MSN: variants seen among roughly 807,000 people sequenced by gnomAD.
The protein encoded by MSN is moesin, also known as epididymis luminal protein 70.
Under a neutral mutation model 48.0 loss-of-function variants are expected in MSN, and 2 were observed. The observed-to-expected ratio is 0.04, with a 90% CI of 0.02 to 0.13. The LOEUF is 0.13. MSN is among the 10% of genes least tolerant of loss of function. The pLI, the probability that MSN is intolerant of heterozygous loss-of-function variation, is 1.00. For missense variants in MSN, 267 were observed against 470.1 expected (o/e 0.57, Z 3.99); for synonymous variants, 146 against 166.9 (o/e 0.87, Z 0.97).
chrX:65,733,780 A>C (rs2071647576), intron 7 of MSN, among the ~76,000 whole-genome samples: 1 of 110,703 alleles, frequency 9.0e-6, no homozygotes, highest in Admixed American at 9.6e-5. Context: ...CAGCCTCCCG[A>C]GTAGCTGGGA....
intron 1 of MSN, among the ~76,000 whole-genome samples, chrX:65,615,536 AC>A (rs754438542): frequency 1.9e-3 from 208 of 107,754 alleles, no homozygotes; most frequent in Middle Eastern, 4.7e-3. Flanking sequence ...TCCTTCGCCC[AC>A]TTTTTGATGG....
At chrX:65,677,828 C>T (rs1458259129) in intron 1 of MSN, among the ~76,000 whole-genome samples, 1 of 111,366 alleles carries the variant, frequency 9.0e-6, no homozygotes, top group East Asian at 2.8e-4. Context: ...TCCTTATTCC[C>T]CTTGGTGCCT....
chrX:65,682,359 C>T (rs1056330189), intron 1 of MSN, among the ~76,000 whole-genome samples: 8 of 112,146 alleles, frequency 7.1e-5, no homozygotes, highest in Non-Finnish European at 1.3e-4. Flanking sequence ...ACATACTACC[C>T]ATGGCTTCTT....
intron 1 of MSN, among the ~76,000 whole-genome samples, chrX:65,646,172 G>T (rs1235766539): frequency 8.9e-6 from 1 of 111,813 alleles, no homozygotes; most frequent in African/African-American, 3.2e-5. Flanking sequence ...AATAAAAACT[G>T]GGTGTCCCTT....
chrX:65,594,921 G>A (rs1403566009), intron 1 of MSN, among the ~76,000 whole-genome samples: 1 of 111,603 alleles, frequency 9.0e-6, no homozygotes, highest in Non-Finnish European at 1.9e-5. Flanking sequence ...GTATGCACCT[G>A]TTTCTGTAAC....
At chrX:65,619,738 C>T (rs2070415218) in intron 1 of MSN, among the ~76,000 whole-genome samples, 2 of 109,211 alleles carry the variant, frequency 1.8e-5, no homozygotes, top group South Asian at 7.4e-4. Context: ...CAGCTTTGTT[C>T]CGTTGCTGGT....
chrX:65,716,495 C>T (rs188982686), intron 1 of MSN: 61 of 305,890 alleles, frequency 2.0e-4, no homozygotes, highest in African/African-American at 1.4e-3. Context: ...AGGCTGGTCT[C>T]GAACTCCTGG....
At chrX:65,728,285 TTTG>T (rs767699867) in intron 3 of MSN, among the ~76,000 whole-genome samples, 168 of 110,977 alleles carry the variant, frequency 1.5e-3, no homozygotes, top group African/African-American at 5.3e-3. Flanking sequence ...GTTTTTTTTG[TTTG>T]TTTGTTTTTG....
chrX:65,689,526 C>T (rs750932681), intron 1 of MSN, among the ~76,000 whole-genome samples: 2 of 111,534 alleles, frequency 1.8e-5, no homozygotes, highest in African/African-American at 6.5e-5. Flanking sequence ...AAGCTGACAT[C>T]ATGAGGTAGA....
Position 65,739,751 on chromosome X carries a change from A to T in MSN, c.1592A>T (p.Asn531Ile), listed in dbSNP as rs772615370. The stretch of plus-strand genomic sequence containing the variant: ...CAGGCCCTCACTTCGGAGCTGGCCA[A>T]TGCCAGAGATGAGTCCAAGAAGACT... ...HLKALTSELA[N>I]ARDESKKTAN... The change falls in exon 13 of 13, where the codon AAT becomes ATT. Residue 531 changes from asparagine (N) to isoleucine (I), a missense_variant. Around this residue, in one of 5 missense-constraint regions of MSN, gnomAD observed 48 missense variants for 115.5 expected, o/e 0.42. Coordinates refer to ENST00000360270, the MANE Select transcript of MSN (RefSeq NM_002444.3). 3.6e-5 allele frequency: 44 copies of T among 1,208,418 alleles called. No homozygotes were observed. The highest frequency in any genetic ancestry group is 4.7e-5 in the Non-Finnish European group (42 of 894,441).
intron 1 of MSN, among the ~76,000 whole-genome samples, chrX:65,697,025 T>C (rs2071250090): frequency 9.0e-6 from 1 of 110,984 alleles, no homozygotes; most frequent in Non-Finnish European, 1.9e-5. Context: ...TGTAAACAAA[T>C]ACACTTGCAG....
chrX:65,654,397 A>G (rs1283873072), intron 1 of MSN, among the ~76,000 whole-genome samples: 1 of 110,198 alleles, frequency 9.1e-6, no homozygotes, highest in Non-Finnish European at 1.9e-5. Flanking sequence ...CTGGGATTAC[A>G]GGCGAGCCAC....
upstream of MSN, among the ~76,000 whole-genome samples, chrX:65,667,365 G>A (rs1287566018): frequency 1.8e-5 from 2 of 110,849 alleles, no homozygotes; most frequent in African/African-American, 3.3e-5. Context: ...CAGGGCCCAG[G>A]GTCTGGGCCC....
At chrX:65,701,818 A>G (rs1003017612) in intron 1 of MSN, among the ~76,000 whole-genome samples, 1 of 111,366 alleles carries the variant, frequency 9.0e-6, no homozygotes, top group Non-Finnish European at 1.9e-5. Context: ...CTACAGAGAC[A>G]TTACTTTAGT....
At chrX:65,629,040 A>G (rs2070533106) in intron 1 of MSN, among the ~76,000 whole-genome samples, 1 of 107,429 alleles carries the variant, frequency 9.3e-6, no homozygotes, top group South Asian at 4.3e-4. Context: ...ACTGCACTCC[A>G]GCCTGGGCAA....
chrX:65,700,897 G>C (rs768534334), intron 1 of MSN, among the ~76,000 whole-genome samples: 1 of 111,561 alleles, frequency 9.0e-6, no homozygotes, highest in African/African-American at 3.3e-5. Context: ...CTTGATGGAG[G>C]AGTTGGGAAG....
chrX:65,630,576 G>A (rs1489912081), intron 1 of MSN, among the ~76,000 whole-genome samples: 2 of 110,895 alleles, frequency 1.8e-5, no homozygotes, highest in East Asian at 5.6e-4. Flanking sequence ...GTGACAGAAT[G>A]AGACCCTGCC....
chrX:65,737,093 GGGT>G, intron 9 of MSN, 82 bp from the exon 10 acceptor site: 1 of 1,139,873 alleles, frequency 8.8e-7, no homozygotes, highest in Non-Finnish European at 1.2e-6. Context: ...CTTTGTCTTG[GGGT>G]GGATCATTTC....
chrX:65,597,528 T>C (rs1188084445), intron 1 of MSN, among the ~76,000 whole-genome samples: 2 of 110,177 alleles, frequency 1.8e-5, no homozygotes, highest in African/African-American at 3.3e-5. Context: ...TAATTTTTTT[T>C]GTAGAGATGG....
Sources: gnomAD v4.1 joint callset for allele counts (sites outside exome capture counted in the v4.1 genomes callset) on GRCh38, gnomAD v4.1.1 for gene constraint, gnomAD v4.1.1 regional missense constraint, MANE v1.5 for transcripts, NCBI Gene and HGNC (gene_info 2026-07-23, HGNC 2026-07-21) for gene names.